Variants in PEX14 observed in about 807,000 individuals in gnomAD.
The protein encoded by PEX14 is peroxisomal biogenesis factor 14.
A neutral mutation model predicts 49.5 loss-of-function variants in PEX14; 15 were observed. The ratio of observed to expected loss-of-function variants is 0.30; its 90% CI spans 0.20 to 0.47. The LOEUF (loss-of-function observed/expected upper bound fraction) is 0.47. Ranked by LOEUF, PEX14 falls within the 20% of genes least tolerant of loss-of-function variation. PEX14 has a pLI of 1.00. For missense variants in PEX14, 398 were observed against 494.8 expected (o/e 0.80, Z 1.86); for synonymous variants, 210 against 212.7 (o/e 0.99, Z 0.11).
intron 3 of PEX14, among the ~76,000 whole-genome samples, chr1:10,592,932 C>T (rs763586442): frequency 2.6e-5 from 4 of 152,182 alleles, no homozygotes; most frequent in African/African-American, 4.8e-5. Flanking sequence ...CAAACTTGGA[C>T]GTGGTTGAGT....
chr1:10,528,732 A>G (rs149793581), intron 2 of PEX14, among the ~76,000 whole-genome samples: 24 of 152,330 alleles, frequency 1.6e-4, no homozygotes, highest in African/African-American at 4.3e-4. Context: ...GAAAAACATC[A>G]TGTTAAGGAA....
At chr1:10,518,499 C>A (rs746585542) in intron 2 of PEX14, among the ~76,000 whole-genome samples, 1 of 152,180 alleles carries the variant, frequency 6.6e-6, no homozygotes, top group Non-Finnish European at 1.5e-5. Context: ...AAGGCCAGTT[C>A]TCTGTGCTCT....
chr1:10,558,002 T>C (rs144136622), intron 3 of PEX14, among the ~76,000 whole-genome samples: 134 of 152,328 alleles, frequency 8.8e-4, no homozygotes, highest in African/African-American at 3.1e-3. Context: ...ATGTCATCTT[T>C]TTCATCTGCT....
At chr1:10,491,163 G>A (rs530042229) in intron 1 of PEX14, among the ~76,000 whole-genome samples, 9 of 151,900 alleles carry the variant, frequency 5.9e-5, no homozygotes, top group East Asian at 1.9e-4. Flanking sequence ...TACTGTGCCC[G>A]GCCTGCTTCG....
intron 1 of PEX14, among the ~76,000 whole-genome samples, chr1:10,490,302 A>G (rs560087181): frequency 4.6e-5 from 7 of 152,292 alleles, no homozygotes; most frequent in African/African-American, 1.7e-4. Flanking sequence ...CACCGGGCAG[A>G]TGCAGGATGG....
At chr1:10,524,862 A>AT (rs981755323) in intron 2 of PEX14, among the ~76,000 whole-genome samples, 9 of 151,592 alleles carry the variant, frequency 5.9e-5, no homozygotes, top group Admixed American at 2.0e-4. Context: ...AAAAAAACAA[A>AT]TTTTTTTTTG....
At chr1:10,605,690 C>T (rs994173970) in intron 4 of PEX14, among the ~76,000 whole-genome samples, 1 of 152,248 alleles carries the variant, frequency 6.6e-6, no homozygotes, top group African/African-American at 2.4e-5. Flanking sequence ...CAAATGTCGC[C>T]TCCACCTCTC....
chr1:10,624,469 G>A (rs1385339429), intron 7 of PEX14, 32 bp downstream of exon 7: 1 of 1,421,888 alleles, frequency 7.0e-7, no homozygotes, highest in Admixed American at 1.7e-5. Flanking sequence ...GGCCCTCCAG[G>A]CCCAGGTCTG....
At position 10,628,063 on chromosome 1, in the gene PEX14, G is replaced by A. The variant is rs1477275711; in HGVS notation, c.677+700G>A. On this transcript the variant is annotated intron_variant, in intron 8 of 8. Transcript: ENST00000356607. The surrounding 1 kb of genome is among the most constrained non-coding windows in gnomAD (Gnocchi z 4.5). ...CCATTCTCCTGCCTCAGCCTCCCGA[G>A]TAGCTGGGATTACAGGCGCCCGCCA... Among the ~76,000 whole-genome samples the A allele has an allele frequency of 2.0e-5, 3 of 152,292 alleles. No homozygotes were observed. In the East Asian group the frequency reaches 5.8e-4, roughly 29 times the overall value.
chr1:10,574,664 A>G (rs1186905029), intron 3 of PEX14, among the ~76,000 whole-genome samples: 1 of 152,202 alleles, frequency 6.6e-6, no homozygotes, highest in African/African-American at 2.4e-5. Context: ...GATTTAGGAA[A>G]TCCCCTATTA....
rs753338425 is a variant in PEX14 at position 10,624,454 on chromosome 1, C to T, written c.585+17C>T. 2.6e-6 allele frequency: 4 copies of T among 1,541,162 alleles called. No individual in the cohort carries two copies. Among genetic ancestry groups the T allele is most frequent in the Non-Finnish European group, 3.6e-6 (4 of 1,114,030 alleles). The stretch of plus-strand genomic sequence containing the variant: ...GCTGCCAAGGTACCTGTCTCTGCTG[C>T]ACAGGGCCCTCCAGGCCCAGGTCTG... On this transcript the variant is annotated intron_variant, in intron 7 of 8. Transcript: ENST00000356607.
chr1:10,603,399 T>C (rs997535422), intron 4 of PEX14, among the ~76,000 whole-genome samples: 11 of 152,052 alleles, frequency 7.2e-5, no homozygotes, highest in Non-Finnish European at 1.3e-4. Context: ...TTCTGAAATA[T>C]AGAAAAGAGA....
Position 10,539,326 on chromosome 1 carries a change from G to A in PEX14, c.169+3029G>A, listed in dbSNP as rs868475750. ...GGATGCTTTAAAATCTGAACATGGA[G>A]CCATTAATGAGAAACGTGAAGTTAT... On this transcript the variant is annotated intron_variant, in intron 3 of 8. Transcript: ENST00000356607. The surrounding 1 kb of genome is among the most constrained non-coding windows in gnomAD (Gnocchi z 4.6). Among the ~76,000 whole-genome samples the A allele has an allele frequency of 6.6e-6, 1 of 152,094 alleles. No homozygotes were observed. The highest frequency in any genetic ancestry group is 1.5e-5 in the Non-Finnish European group (1 of 68,032).
At position 10,582,631 on chromosome 1, in the gene PEX14, C is replaced by G. The variant is rs535167172; in HGVS notation, c.170-16607C>G. 3.3e-5 allele frequency among the ~76,000 whole-genome samples: 5 copies of G among 152,132 alleles called. No homozygotes were observed. In the South Asian group the frequency reaches 1.0e-3, roughly 31 times the overall value. On this transcript the variant is annotated intron_variant, in intron 3 of 8. Transcript: ENST00000356607. ...GAACATCAGGGGTGGAAGACTGATG[C>G]CTGACTCTCTCCAGAGTATAAGGCA... is the stretch of plus-strand genomic sequence containing the variant.
intron 5 of PEX14, among the ~76,000 whole-genome samples, chr1:10,621,325 A>G (rs1393997123): frequency 6.7e-6 from 1 of 150,082 alleles, no homozygotes; most frequent in Non-Finnish European, 1.5e-5. Context: ...AGTTGGTTAC[A>G]CACACATATA....
In PEX14 at chr1:10,527,376, G is replaced by A. The variant is rs563146051; in HGVS notation, c.85-8837G>A. ...TACTAAAAATACAAAAATTAGCTGGGTGTGGTGGCATGTGCCTATAGTCCC... is the reference window on the plus strand; with the variant it reads ...TACTAAAAATACAAAAATTAGCTGGATGTGGTGGCATGTGCCTATAGTCCC... On this transcript the variant is annotated intron_variant, in intron 2 of 8. Transcript: ENST00000356607. Among the ~76,000 whole-genome samples the A allele has an allele frequency of 3.3e-5, 5 of 151,550 alleles. No individual in the cohort carries two copies. In the South Asian group the frequency reaches 8.4e-4, roughly 25 times the overall value.
At chr1:10,581,213 A>G (rs1640305636) in intron 3 of PEX14, among the ~76,000 whole-genome samples, 3 of 152,074 alleles carry the variant, frequency 2.0e-5, no homozygotes, top group African/African-American at 7.2e-5. Context: ...AAGGAAAATT[A>G]AGAGCAGTCT....
chr1:10,621,597 A>C (rs996718666), intron 5 of PEX14, among the ~76,000 whole-genome samples: 1 of 152,092 alleles, frequency 6.6e-6, no homozygotes, highest in Non-Finnish European at 1.5e-5. Context: ...TGCCCACCTC[A>C]GCCTCCCAAA....
chr1:10,574,938 C>T (rs940974707), intron 3 of PEX14, among the ~76,000 whole-genome samples: 1 of 151,874 alleles, frequency 6.6e-6, no homozygotes, highest in Non-Finnish European at 1.5e-5. Flanking sequence ...GGTGAGACCC[C>T]CATCTGAAAA....
Sources: gnomAD v4.1 joint callset for allele counts (sites outside exome capture counted in the v4.1 genomes callset) on GRCh38, gnomAD v4.1.1 for gene constraint, Gnocchi (gnomAD v3.1) non-coding constraint, MANE v1.5 for transcripts, NCBI Gene and HGNC (gene_info 2026-07-23, HGNC 2026-07-21) for gene names.